Variants in CEP112 observed in about 807,000 individuals in gnomAD.
The protein encoded by CEP112 is centrosomal protein of 112 kDa.
A neutral mutation model predicts 153.0 loss-of-function variants in CEP112; 127 were observed. The ratio of observed to expected loss-of-function variants is 0.83; its 90% CI spans 0.72 to 0.96. The LOEUF is 0.96. Ranked by LOEUF, CEP112 falls within the 40% of genes least tolerant of loss-of-function variation. CEP112 has a pLI of 0.00. For missense variants in CEP112, 1,089 were observed against 1,101.2 expected, an observed-to-expected ratio of 0.99 and a Z score of 0.16; for synonymous variants, 358 against 374.4, an observed-to-expected ratio of 0.96 and a Z score of 0.51.
At chr17:66,141,404 T>C (rs1430805219) in intron 4 of CEP112, among the ~76,000 whole-genome samples, 1 of 113,112 alleles carries the variant, frequency 8.8e-6, no homozygotes, top group African/African-American at 3.2e-5. Context: ...AAATAGTTTT[T>C]TTCTTTTATT....
chr17:65,931,706 T>C (rs910548101), intron 18 of CEP112, among the ~76,000 whole-genome samples: 8 of 152,170 alleles, frequency 5.3e-5, no homozygotes, highest in South Asian at 4.1e-4. Flanking sequence ...CTAGCCAGAT[T>C]TGCCACCCAG....
chr17:65,969,226 C>T (rs2062536487), intron 17 of CEP112, among the ~76,000 whole-genome samples: 1 of 151,946 alleles, frequency 6.6e-6, no homozygotes, highest in African/African-American at 2.4e-5. Context: ...GGATTACAGG[C>T]ATGCAGTACC....
At chr17:65,805,157 T>A (rs560848376) in intron 21 of CEP112, among the ~76,000 whole-genome samples, 1 of 152,108 alleles carries the variant, frequency 6.6e-6, no homozygotes, top group Non-Finnish European at 1.5e-5. Flanking sequence ...CTACAAGTAA[T>A]CTTTATAGTG....
intron 17 of CEP112, among the ~76,000 whole-genome samples, chr17:65,970,764 T>C (rs1453502555): frequency 7.6e-6 from 1 of 132,422 alleles, no homozygotes; most frequent in Non-Finnish European, 1.6e-5. Flanking sequence ...TACAGGTATG[T>C]TACATGTTAC....
intron 5 of CEP112, 25 bp from the exon 6 acceptor site, chr17:66,129,848 AGAG>A (rs755542837): frequency 1.4e-6 from 2 of 1,452,010 alleles, no homozygotes; most frequent in South Asian, 1.2e-5. Flanking sequence ...GGAAAAAGGA[AGAG>A]GAGAGGAAGG....
intron 17 of CEP112, among the ~76,000 whole-genome samples, chr17:65,968,934 T>C (rs920143661): frequency 6.6e-6 from 1 of 152,230 alleles, no homozygotes; most frequent in African/African-American, 2.4e-5. Flanking sequence ...TAGCAATATT[T>C]GTATATCAAA....
At chr17:65,694,968 A>C (rs1055917341) in intron 23 of CEP112, among the ~76,000 whole-genome samples, 1 of 152,248 alleles carries the variant, frequency 6.6e-6, no homozygotes, top group Non-Finnish European at 1.5e-5. Flanking sequence ...TTTATTCTGC[A>C]GAACTGTCCC....
At chr17:65,728,682 C>T (rs1199887596) in intron 23 of CEP112, among the ~76,000 whole-genome samples, 2 of 152,048 alleles carry the variant, frequency 1.3e-5, no homozygotes, top group East Asian at 3.9e-4. Flanking sequence ...GCACTATAGG[C>T]AATTATATAA....
rs143395037 is a variant in CEP112 at position 65,661,523 on chromosome 17, G to C, written c.2698-20458C>G. 2.5e-3 allele frequency among the ~76,000 whole-genome samples: 387 copies of C among 152,276 alleles called. 1 individual carries two copies. Among genetic ancestry groups the C allele is most frequent in the Middle Eastern group, 3.4e-3 (1 of 294 alleles). ...TGTACAAGGTCTTCCTTACCCGAGA[G>C]CCTCCGCTTGTACTTCATTATCAGA... On this transcript the variant is annotated intron_variant, in intron 24 of 26. Transcript: ENST00000535342.
At chr17:66,108,826 T>A (rs1008955683) in intron 6 of CEP112, among the ~76,000 whole-genome samples, 2 of 152,188 alleles carry the variant, frequency 1.3e-5, no homozygotes, top group African/African-American at 4.8e-5. Context: ...ATCTTTGTTG[T>A]AGCACTGTTC....
rs757461588 is a variant in CEP112, at chr17:65,927,680, C to T, written c.1882G>A (p.Val628Met). 1.9e-6 allele frequency: 3 copies of T among 1,542,230 alleles called. No individual in the cohort carries two copies. In the Admixed American group the frequency reaches 6.6e-5, roughly 34 times the overall value. ...YAEMKEQMEKVEADLTRSKSL... is the reference protein window; with the variant it reads ...YAEMKEQMEKMEADLTRSKSL... The stretch of plus-strand genomic sequence containing the variant: ...TTGGATCTAGTTAGATCTGCCTCCA[C>T]TTTTTCCATCTATAAAATTTAAAAA... The change falls in exon 19 of 27, where the codon GTG becomes ATG. Residue 628 changes from valine to methionine, a missense_variant. Transcript: ENST00000535342.
intron 16 of CEP112, among the ~76,000 whole-genome samples, chr17:66,025,270 A>G (rs1181374652): frequency 1.3e-5 from 2 of 152,080 alleles, no homozygotes; most frequent in Non-Finnish European, 2.9e-5. Context: ...AGCAACAAAA[A>G]CAGACAAATG....
At chr17:65,720,473 T>C (rs773252954) in intron 23 of CEP112, among the ~76,000 whole-genome samples, 3 of 152,100 alleles carry the variant, frequency 2.0e-5, no homozygotes, top group Non-Finnish European at 2.9e-5. Flanking sequence ...AGGAAAGAGC[T>C]GTCAGAGAGG....
At chr17:65,940,107 T>C (rs1055337109) in intron 18 of CEP112, among the ~76,000 whole-genome samples, 4 of 151,984 alleles carry the variant, frequency 2.6e-5, no homozygotes, top group East Asian at 3.9e-4. Flanking sequence ...AAATAAGACA[T>C]AAAAATGCCC....
intron 17 of CEP112, among the ~76,000 whole-genome samples, chr17:65,975,476 A>T (rs1006118498): frequency 2.0e-5 from 3 of 152,188 alleles, no homozygotes; most frequent in Admixed American, 6.5e-5. Flanking sequence ...ACAGGGATGT[A>T]TATGTATGTG....
intron 23 of CEP112, among the ~76,000 whole-genome samples, chr17:65,728,476 C>T (rs1180141550): frequency 6.6e-6 from 1 of 152,114 alleles, no homozygotes; most frequent in East Asian, 1.9e-4. Flanking sequence ...CCACACTCTG[C>T]TTGTTGGGCT....
intron 16 of CEP112, among the ~76,000 whole-genome samples, chr17:66,019,688 A>G (rs1373080): frequency 0.41 from 62,523 of 152,156 alleles, 14,318 homozygotes; most frequent in East Asian, 0.87. Context: ...ATACATTAAC[A>G]AGTAACGTTA....
rs75170166 is a variant in CEP112, at chr17:66,117,240, A to G, written c.642+12506T>C. ...TCAAAAAGGTAACTCTAGGTGAATC[A>G]TGATTTTTAAAAGGAAACATACTAC... On this transcript the variant is annotated intron_variant, in intron 6 of 26. Transcript: ENST00000535342. 7.8e-3 allele frequency among the ~76,000 whole-genome samples: 1,187 copies of G among 152,182 alleles called. 7 individuals are homozygous for G. Among genetic ancestry groups the G allele is most frequent in the East Asian group, 0.042 (215 of 5,166 alleles).
intron 16 of CEP112, among the ~76,000 whole-genome samples, chr17:66,023,767 A>C (rs189909163): frequency 6.6e-6 from 1 of 152,288 alleles, no homozygotes; most frequent in Non-Finnish European, 1.5e-5. Context: ...CATTATAACA[A>C]GAAAAAAACT....
Sources: allele counts gnomAD v4.1 joint callset (sites outside exome capture counted in the v4.1 genomes callset), GRCh38; gene constraint gnomAD v4.1.1; transcripts MANE v1.5; gene names NCBI Gene and HGNC (gene_info 2026-07-23, HGNC 2026-07-21).